The following PHKB variants were observed in gnomAD, a reference collection of about 807,000 sequenced individuals.
PHKB encodes phosphorylase b kinase regulatory subunit beta.
A neutral mutation model predicts 152.1 loss-of-function variants in PHKB; 122 were observed. The ratio of observed to expected loss-of-function variants is 0.80; its 90% CI spans 0.69 to 0.93. The LOEUF (loss-of-function observed/expected upper bound fraction) is 0.93, where lower values mean the gene tolerates loss of function less well. Among genes scored for constraint, PHKB ranks in the 40% least tolerant of loss-of-function variants. The pLI is 0.00. For synonymous variants in PHKB, 436 were observed against 464.9 expected (o/e 0.94, Z 0.80); for missense variants, 1,304 against 1,328.4 (o/e 0.98, Z 0.29).
At chr16:47,629,285 G>A (rs2151719575) in intron 14 of PHKB, among the ~76,000 whole-genome samples, 1 of 152,044 alleles carries the variant, frequency 6.6e-6, no homozygotes, top group East Asian at 1.9e-4. Flanking sequence ...CTGACAAAGG[G>A]CTAATATCCA....
intron 9 of PHKB, among the ~76,000 whole-genome samples, chr16:47,588,085 G>T (rs1289613302): frequency 1.3e-5 from 2 of 151,996 alleles, no homozygotes; most frequent in Non-Finnish European, 2.9e-5. Context: ...TTTTCATAGT[G>T]TATATATCTT....
chr16:47,519,071 A>G (rs1352916124), intron 6 of PHKB, among the ~76,000 whole-genome samples: 2 of 152,228 alleles, frequency 1.3e-5, no homozygotes, highest in African/African-American at 4.8e-5. Flanking sequence ...GAAGTTGTTA[A>G]GAGCACATTT....
intron 8 of PHKB, among the ~76,000 whole-genome samples, chr16:47,582,862 T>C (rs1971871543): frequency 6.6e-6 from 1 of 152,226 alleles, no homozygotes; most frequent in Non-Finnish European, 1.5e-5. Flanking sequence ...AGTGGCACGA[T>C]CTCGGCTCAC....
Position 47,698,523 on chromosome 16 carries a change from C to T in PHKB, c.3079C>T (p.Leu1027=), listed in dbSNP as rs748945962. 5 of 1,608,294 alleles carry T rather than the reference C, an allele frequency of 3.1e-6. No homozygotes were observed. Among genetic ancestry groups the T allele is most frequent in the Non-Finnish European group, 4.2e-6 (5 of 1,176,904 alleles). The part of the protein sequence containing the change: ...EFQDKVDLDR[L]VKEAFNEFQK... Reference sequence around the variant, plus strand: ...TCAAGACAAAGTAGATCTAGACAGACTGGTCAAAGAAGCATTTAATGAATT... The same window carrying T: ...TCAAGACAAAGTAGATCTAGACAGATTGGTCAAAGAAGCATTTAATGAATT... Residue 1027 remains leucine, a synonymous_variant, in exon 30 of 31, where the codon CTG becomes TTG. Transcript: ENST00000323584.
intron 14 of PHKB, among the ~76,000 whole-genome samples, chr16:47,632,137 G>T (rs1972839170): frequency 6.6e-6 from 1 of 152,090 alleles, no homozygotes; most frequent in Non-Finnish European, 1.5e-5. Flanking sequence ...CAAACCTACT[G>T]ATCTTTTCTT....
chr16:47,548,320 G>A (rs1971209729), intron 7 of PHKB, among the ~76,000 whole-genome samples: 2 of 152,266 alleles, frequency 1.3e-5, no homozygotes, highest in African/African-American at 4.8e-5. Flanking sequence ...TAAAGAAACA[G>A]TCTAGAGGCT....
intron 1 of PHKB, among the ~76,000 whole-genome samples, chr16:47,467,001 G>T (rs1969681130): frequency 6.6e-6 from 1 of 152,104 alleles, no homozygotes; most frequent in Admixed American, 6.6e-5. Flanking sequence ...ATCTTTTTGA[G>T]ATTCAGCTTC....
At chr16:47,675,613 G>A (rs1460567136) in intron 26 of PHKB, 2 of 152,108 alleles carry the variant, frequency 1.3e-5, no homozygotes, top group South Asian at 2.1e-4. Context: ...GCTCTCACAA[G>A]AGAAGTTCAC....
intron 4 of PHKB, among the ~76,000 whole-genome samples, chr16:47,509,366 A>T (rs772676094): frequency 1.3e-5 from 2 of 152,144 alleles, no homozygotes; most frequent in Non-Finnish European, 2.9e-5. Context: ...CTAGGTCCTG[A>T]TTACATACTG....
At chr16:47,508,752 T>C (rs1970460799) in intron 4 of PHKB, among the ~76,000 whole-genome samples, 1 of 152,222 alleles carries the variant, frequency 6.6e-6, no homozygotes, top group Non-Finnish European at 1.5e-5. Context: ...GATGCCAGAA[T>C]CATACAAAAT....
intron 13 of PHKB, among the ~76,000 whole-genome samples, chr16:47,596,968 G>A (rs1181138628): frequency 1.3e-5 from 2 of 152,064 alleles, no homozygotes; most frequent in Non-Finnish European, 2.9e-5. Context: ...GGCAATTTTA[G>A]TTGGAGGTTT....
At chr16:47,527,756 G>A (rs1236790599) in intron 6 of PHKB, among the ~76,000 whole-genome samples, 1 of 152,086 alleles carries the variant, frequency 6.6e-6, no homozygotes, top group African/African-American at 2.4e-5. Context: ...GAGGCCCTTG[G>A]GTGAAACCTA....
At chr16:47,524,712 G>A (rs970231866) in intron 6 of PHKB, among the ~76,000 whole-genome samples, 1 of 152,186 alleles carries the variant, frequency 6.6e-6, no homozygotes, top group African/African-American at 2.4e-5. Context: ...GCCACCATGG[G>A]AATGAAGCTA....
chr16:47,686,205 G>C (rs1973962608), intron 26 of PHKB, among the ~76,000 whole-genome samples: 1 of 152,194 alleles, frequency 6.6e-6, no homozygotes, highest in Admixed American at 6.5e-5. Context: ...AAGGTCTCCA[G>C]CTATCTTTGT....
chr16:47,679,960 T>G (rs973484514), intron 26 of PHKB, among the ~76,000 whole-genome samples: 1 of 152,366 alleles, frequency 6.6e-6, no homozygotes, highest in Admixed American at 6.5e-5. Flanking sequence ...CCTAATTTAT[T>G]GAGAGTTTTT....
chr16:47,505,381 G>C (rs1232663899), intron 4 of PHKB: 2 of 152,262 alleles, frequency 1.3e-5, no homozygotes, highest in Non-Finnish European at 2.9e-5. Flanking sequence ...GGCCACGGAA[G>C]TCAGAGTGGG....
chr16:47,692,210 T>C (rs1037192633), intron 27 of PHKB, among the ~76,000 whole-genome samples: 1 of 152,262 alleles, frequency 6.6e-6, no homozygotes, highest in Non-Finnish European at 1.5e-5. Context: ...TTCTGTTTAC[T>C]GTATCCTGCA....
chr16:47,630,486 A>C (rs1567334232), intron 14 of PHKB, among the ~76,000 whole-genome samples: 1 of 152,144 alleles, frequency 6.6e-6, no homozygotes, highest in Non-Finnish European at 1.5e-5. Context: ...GTCGCAAAAA[A>C]AAAAAAGAAA....
intron 1 of PHKB, among the ~76,000 whole-genome samples, chr16:47,476,637 A>G (rs1718556315): frequency 1.3e-5 from 2 of 152,168 alleles, no homozygotes; most frequent in Admixed American, 1.3e-4. Context: ...ACCTATACCA[A>G]ATTTAAGTCC....
Sources: allele counts gnomAD v4.1 joint callset (sites outside exome capture counted in the v4.1 genomes callset), GRCh38; gene constraint gnomAD v4.1.1; transcripts MANE v1.5; gene names NCBI Gene and HGNC (gene_info 2026-07-23, HGNC 2026-07-21).